Variants in SMYD3 observed in about 807,000 individuals in gnomAD.
SMYD3 encodes histone-lysine N-methyltransferase SMYD3.
SMYD3 carries 36 observed loss-of-function variants against 57.7 expected under a neutral mutation model. The ratio of observed to expected loss-of-function variants is 0.62; its 90% CI spans 0.48 to 0.82. SMYD3 has a LOEUF of 0.82. Among genes scored for constraint, SMYD3 ranks in the 40% least tolerant of loss-of-function variants. The probability of loss-of-function intolerance (pLI) is 0.00; values close to 1 mark genes in which losing one functional copy is unlikely to be tolerated. For synonymous variants in SMYD3, 211 were observed against 195.0 expected, an observed-to-expected ratio of 1.08 and a Z score of -0.68; for missense variants, 515 against 538.8, an observed-to-expected ratio of 0.96 and a Z score of 0.44.
intron 5 of SMYD3, among the ~76,000 whole-genome samples, chr1:246,137,229 C>G (rs921842990): frequency 6.6e-6 from 1 of 152,144 alleles, no homozygotes. Flanking sequence ...TTTCATCACT[C>G]CATAAGGAAA....
At chr1:246,134,306 A>G (rs1247692350) in intron 5 of SMYD3, among the ~76,000 whole-genome samples, 1 of 152,160 alleles carries the variant, frequency 6.6e-6, no homozygotes. Flanking sequence ...CCACTTCAAC[A>G]TAATTTAAAA....
At chr1:246,087,822 C>T (rs901058083) in intron 5 of SMYD3, among the ~76,000 whole-genome samples, 12 of 152,168 alleles carry the variant, frequency 7.9e-5, no homozygotes, top group Admixed American at 5.2e-4. Context: ...AAGACTTACG[C>T]GGACTGAAAC....
At chr1:246,494,408 G>A (rs904296943) in intron 1 of SMYD3, among the ~76,000 whole-genome samples, 5 of 152,156 alleles carry the variant, frequency 3.3e-5, no homozygotes, top group African/African-American at 1.2e-4. Context: ...CTATGCATTA[G>A]CATTACCTGT....
At chr1:245,863,539 C>G (rs549104261) in intron 9 of SMYD3, among the ~76,000 whole-genome samples, 1 of 152,274 alleles carries the variant, frequency 6.6e-6, no homozygotes, top group South Asian at 2.1e-4. Flanking sequence ...TTCTTACTTT[C>G]CTACTACTGC....
chr1:246,088,289 C>T (rs2060755645), intron 5 of SMYD3, among the ~76,000 whole-genome samples: 1 of 152,048 alleles, frequency 6.6e-6, no homozygotes, highest in Non-Finnish European at 1.5e-5. Flanking sequence ...TTCTCTCTCT[C>T]TCTATTCAGG....
chr1:246,327,379 C>A, intron 4 of SMYD3, 42 bp from the exon 5 acceptor site: 1 of 1,558,400 alleles, frequency 6.4e-7, no homozygotes, highest in Non-Finnish European at 8.8e-7. Context: ...TCAAAGTAAA[C>A]TTCTGAAGGA....
At chr1:246,055,141 A>G (rs1372477142) in intron 5 of SMYD3, among the ~76,000 whole-genome samples, 2 of 151,664 alleles carry the variant, frequency 1.3e-5, no homozygotes, top group African/African-American at 4.8e-5. Context: ...GTGCCACTGC[A>G]CTCCAGCCTG....
At position 246,445,874 on chromosome 1, in the gene SMYD3, A is replaced by G. The variant is rs528831393; in HGVS notation, c.164+61180T>C. ...AAAAAGGAAAAAAAAAACAAAAAAA[A>G]AACCTGGGAATAAGAGAATTAACTT... On this transcript the variant is annotated intron_variant, in intron 1 of 11. Coordinates refer to ENST00000490107, the MANE Select transcript of SMYD3 (RefSeq NM_001167740.2). Among the ~76,000 whole-genome samples, 110 of 152,256 alleles carry G rather than the reference A, an allele frequency of 7.2e-4. 2 individuals are homozygous for G. In the South Asian group the frequency reaches 0.021, roughly 28 times the overall value.
At chr1:246,320,637 T>C (rs1051180500) in intron 5 of SMYD3, among the ~76,000 whole-genome samples, 4 of 152,200 alleles carry the variant, frequency 2.6e-5, no homozygotes, top group Non-Finnish European at 5.9e-5. Context: ...TTTTACCACA[T>C]TTCTAATCAG....
At chr1:245,835,689 G>T (rs968642657) in intron 10 of SMYD3, among the ~76,000 whole-genome samples, 1 of 152,148 alleles carries the variant, frequency 6.6e-6, no homozygotes, top group Non-Finnish European at 1.5e-5. Context: ...TTTTAGGAAG[G>T]CCTCAAGAAC....
chr1:246,298,955 A>G (rs2064844333), intron 5 of SMYD3, among the ~76,000 whole-genome samples: 1 of 152,204 alleles, frequency 6.6e-6, no homozygotes, highest in Non-Finnish European at 1.5e-5. Context: ...AAAGAGTAAC[A>G]GTATCCCGTA....
At chr1:246,054,265 C>A (rs1207945000) in intron 5 of SMYD3, among the ~76,000 whole-genome samples, 8 of 152,168 alleles carry the variant, frequency 5.3e-5, no homozygotes. Context: ...AAGACTGACA[C>A]TACCAGGTCT....
chr1:246,079,685 T>C (rs946294603), intron 5 of SMYD3, among the ~76,000 whole-genome samples: 7 of 152,184 alleles, frequency 4.6e-5, no homozygotes, highest in Admixed American at 4.6e-4. Flanking sequence ...TCAATGAGGC[T>C]TAGTGCATAG....
intron 10 of SMYD3, among the ~76,000 whole-genome samples, chr1:245,825,748 T>G (rs774467535): frequency 2.0e-5 from 3 of 152,112 alleles, no homozygotes; most frequent in African/African-American, 7.2e-5. Context: ...GTCATTATTC[T>G]AAATACATTT....
At chr1:245,783,072 T>C (rs916717863) in intron 10 of SMYD3, among the ~76,000 whole-genome samples, 2 of 152,192 alleles carry the variant, frequency 1.3e-5, no homozygotes, top group African/African-American at 4.8e-5. Context: ...AATATGTTTA[T>C]TCCATATACA....
At chr1:246,455,043 G>C (rs1219959327) in intron 1 of SMYD3, among the ~76,000 whole-genome samples, 1 of 152,168 alleles carries the variant, frequency 6.6e-6, no homozygotes, top group East Asian at 1.9e-4. Flanking sequence ...AATATTTACT[G>C]AGTTATGATG....
chr1:246,090,023 C>T (rs2060794190), intron 5 of SMYD3, among the ~76,000 whole-genome samples: 1 of 151,928 alleles, frequency 6.6e-6, no homozygotes, highest in Non-Finnish European at 1.5e-5. Flanking sequence ...TCTTTTTCTC[C>T]CTCTGTCCTC....
chr1:246,407,247 ATTG>A (rs2066881847), intron 1 of SMYD3, among the ~76,000 whole-genome samples: 1 of 152,210 alleles, frequency 6.6e-6, no homozygotes, highest in Non-Finnish European at 1.5e-5. Flanking sequence ...CAATTCTCAT[ATTG>A]TTCTAGTGTA....
intron 1 of SMYD3, among the ~76,000 whole-genome samples, chr1:246,505,060 G>C (rs567917611): frequency 1.5e-4 from 23 of 152,256 alleles, no homozygotes; most frequent in African/African-American, 5.5e-4. Context: ...TGTGTATCCT[G>C]GCAATCCAAA....
Sources: allele counts gnomAD v4.1 joint callset (sites outside exome capture counted in the v4.1 genomes callset), GRCh38; gene constraint gnomAD v4.1.1; transcripts MANE v1.5; gene names NCBI Gene and HGNC (gene_info 2026-07-23, HGNC 2026-07-21).